SLC35A5: variants seen among roughly 807,000 people sequenced by gnomAD.
SLC35A5 encodes solute carrier family 35 member A5, also known as UDP-sugar transporter protein SLC35A5.
A neutral mutation model predicts 36.3 loss-of-function variants in SLC35A5; 28 were observed. The ratio of observed to expected loss-of-function variants is 0.77; its 90% CI spans 0.57 to 1.06. The LOEUF (loss-of-function observed/expected upper bound fraction) is 1.06. Ranked by LOEUF, SLC35A5 falls within the 50% of genes least tolerant of loss-of-function variation. The pLI is 0.00. For synonymous variants in SLC35A5, 180 were observed against 173.7 expected, an observed-to-expected ratio of 1.04 and a Z score of -0.29; for missense variants, 521 against 499.3, an observed-to-expected ratio of 1.04 and a Z score of -0.41.
chr3:112,582,614 T>TAG (rs1934978651), intron 6 of SLC35A5, 57 bp from the exon 7 acceptor site: 4 of 1,437,288 alleles, frequency 2.8e-6, no homozygotes, highest in African/African-American at 1.4e-5. Flanking sequence ...GGTTTTCCCT[T>TAG]TAAAAATGCT....
intron 5 of SLC35A5, among the ~76,000 whole-genome samples, chr3:112,578,891 G>T (rs1453427280): frequency 6.6e-6 from 1 of 151,806 alleles, no homozygotes; most frequent in Non-Finnish European, 1.5e-5. Flanking sequence ...TATCTCTGTG[G>T]TCATTCTATT....
At chr3:112,566,146 A>T (rs1257241019) in intron 2 of SLC35A5, among the ~76,000 whole-genome samples, 2 of 152,188 alleles carry the variant, frequency 1.3e-5, no homozygotes, top group South Asian at 2.1e-4. Context: ...TATGAAAATT[A>T]AAAAAGATAA....
chr3:112,582,827 A>G lies in SLC35A5; in HGVS notation c.*91A>G. 9.1e-7 allele frequency: 1 copy of G among 1,095,106 alleles called. No individual in the cohort carries two copies. Among genetic ancestry groups the G allele is most frequent in the Non-Finnish European group, 1.4e-6 (1 of 731,534 alleles). The allele number at this position is 1,095,106 out of a possible 1,614,324, so 67.8% of individuals were successfully genotyped here. A position where few individuals can be genotyped will look rare whatever the true frequency, so the allele number is the denominator to read the frequency against. ...TATCTTTTCACTTTGATAAACCAGA[A>G]ATGTTTCTAAATCCTAATATTCTTT... On this transcript the variant is annotated 3_prime_UTR_variant, in exon 7 of 7. Transcript: ENST00000492406.
intron 2 of SLC35A5, among the ~76,000 whole-genome samples, chr3:112,566,128 G>A (rs1186318100): frequency 6.6e-6 from 1 of 152,240 alleles, no homozygotes; most frequent in African/African-American, 2.4e-5. Flanking sequence ...TTTGGAGAAT[G>A]TATTGAATAT....
rs969501076 is a variant in SLC35A5 at position 112,583,409 on chromosome 3, C to G, written c.*673C>G. 5 of 317,610 alleles carry G rather than the reference C, an allele frequency of 1.6e-5. No individual in the cohort carries two copies. Among genetic ancestry groups the G allele is most frequent in the African/African-American group, 1.1e-4 (5 of 47,052 alleles). 19.7% of individuals were successfully genotyped at this position (317,610 alleles called of 1,614,324 possible). On this transcript the variant is annotated 3_prime_UTR_variant, in exon 7 of 7. Transcript: ENST00000492406. ...CTTTTGATGTTTTAAACATTGGTTC[C>G]CTAGTCACCATAGTTACCACTTGTA... is the stretch of plus-strand genomic sequence containing the variant.
Position 112,570,681 on chromosome 3 carries a change from A to G in SLC35A5, c.360+11A>G. ...TCCTATCTTCAACCAGTAAGTAAAT[A>G]TGAAAAAGAAAATACCATTGAAAAG... On this transcript the variant is annotated intron_variant, in intron 4 of 6. Transcript: ENST00000492406. 6.5e-7 allele frequency: 1 copy of G among 1,541,512 alleles called. No individual in the cohort carries two copies. Among genetic ancestry groups the G allele is most frequent in the African/African-American group, 1.4e-5 (1 of 70,298 alleles).
chr3:112,561,369 C>G (rs1933869147), upstream of SLC35A5: 1 of 1,399,576 alleles, frequency 7.1e-7, no homozygotes, highest in Non-Finnish European at 1.0e-6. Flanking sequence ...CCTTGCCCCG[C>G]CGGAGAAAGC....
intron 2 of SLC35A5, among the ~76,000 whole-genome samples, chr3:112,568,061 A>G (rs563034166): frequency 6.6e-6 from 1 of 152,246 alleles, no homozygotes; most frequent in Admixed American, 6.5e-5. Flanking sequence ...GCTAAGTGCC[A>G]GGTATATGAA....
chr3:112,581,387 C>T, intron 6 of SLC35A5, 61 bp downstream of exon 6: 6 of 1,482,060 alleles, frequency 4.0e-6, no homozygotes, highest in Non-Finnish European at 5.4e-6. Context: ...ATAGTTAATT[C>T]AAGGAAAAAA....
intron 2 of SLC35A5, among the ~76,000 whole-genome samples, 169 bp downstream of exon 2, chr3:112,563,702 A>G (rs1398225965): frequency 6.6e-6 from 1 of 152,274 alleles, no homozygotes; most frequent in Non-Finnish European, 1.5e-5. Flanking sequence ...TCAACAAGAA[A>G]AAATGTTTGA....
intron 5 of SLC35A5, among the ~76,000 whole-genome samples, chr3:112,579,802 A>G (rs1934822477): frequency 6.6e-6 from 1 of 152,146 alleles, no homozygotes; most frequent in Non-Finnish European, 1.5e-5. Flanking sequence ...AGTCATCTTT[A>G]TCGCCCCAGG....
In SLC35A5 at chr3:112,584,626, G is replaced by A. The variant is rs1260730395; in HGVS notation, c.*1890G>A. 1 of 152,076 alleles carries A rather than the reference G, an allele frequency of 6.6e-6. No individual in the cohort carries two copies. The highest frequency in any genetic ancestry group is 1.9e-4 in the East Asian group (1 of 5,190). 9.4% of individuals were successfully genotyped at this position (152,076 alleles called of 1,614,324 possible). ...AATGAGAGAGGAAGAGAAAGAGTGAGAGCACAAGATCATGTGCTGGAACTA... is the reference window on the plus strand; with the variant it reads ...AATGAGAGAGGAAGAGAAAGAGTGAAAGCACAAGATCATGTGCTGGAACTA... On this transcript the variant is annotated 3_prime_UTR_variant, in exon 7 of 7. Coordinates refer to ENST00000492406, the MANE Select transcript of SLC35A5 (RefSeq NM_017945.5).
intron 6 of SLC35A5, 131 bp downstream of exon 6, chr3:112,581,457 C>A: frequency 1.1e-6 from 1 of 927,202 alleles, no homozygotes; most frequent in Non-Finnish European, 1.6e-6. Flanking sequence ...AAAACCGAAT[C>A]AACAAACATT....
chr3:112,570,515 C>T (rs748706038), intron 3 of SLC35A5, 25 bp from the exon 4 acceptor site: 13 of 1,596,036 alleles, frequency 8.1e-6, no homozygotes, highest in Admixed American at 1.8e-5. Flanking sequence ...TCATCAAGGT[C>T]ATTTACACCG....
chr3:112,579,471 C>T (rs982668589), intron 5 of SLC35A5, among the ~76,000 whole-genome samples: 2 of 151,988 alleles, frequency 1.3e-5, no homozygotes, highest in Non-Finnish European at 2.9e-5. Flanking sequence ...TTTGTTCCCC[C>T]AAGAGGCCTC....
In SLC35A5 at chr3:112,569,752, AAG is replaced by A. The variant is rs561633323; in HGVS notation, c.229+484_229+485del. 1.7e-3 allele frequency among the ~76,000 whole-genome samples: 265 copies of A among 152,304 alleles called. No homozygotes were observed. In the Middle Eastern group the frequency reaches 0.02, roughly 12 times the overall value. On this transcript the variant is annotated intron_variant, in intron 3 of 6. Transcript: ENST00000492406. ...GATACTAATTCCTTTCTCAAATGTA[AAG>A]TATATAGCCTTCCATGGAATGTATA...
intron 4 of SLC35A5, 122 bp from the exon 5 acceptor site, chr3:112,573,767 C>A: frequency 1.4e-6 from 1 of 709,192 alleles, no homozygotes; most frequent in Non-Finnish European, 2.5e-6. Context: ...GAAATTGCTA[C>A]CTTAATAACC....
chr3:112,574,637 T>TA (rs1460481170), intron 5 of SLC35A5, among the ~76,000 whole-genome samples: 4 of 151,524 alleles, frequency 2.6e-5, no homozygotes, highest in Non-Finnish European at 4.4e-5. Context: ...TGATAATGAT[T>TA]AAAAAATAAA....
intron 4 of SLC35A5, among the ~76,000 whole-genome samples, chr3:112,571,639 C>G (rs190764073): frequency 3.3e-5 from 5 of 152,270 alleles, no homozygotes; most frequent in African/African-American, 1.2e-4. Context: ...CTGGGGAGGC[C>G]TCACAGTCAT....
Sources: gnomAD v4.1 joint callset for allele counts (sites outside exome capture counted in the v4.1 genomes callset) on GRCh38, gnomAD v4.1.1 for gene constraint, MANE v1.5 for transcripts, NCBI Gene and HGNC (gene_info 2026-07-23, HGNC 2026-07-21) for gene names.